Variants in CCDC57 observed in about 807,000 individuals in gnomAD.
The protein encoded by CCDC57 is coiled-coil domain containing 57.
CCDC57 carries 118 observed loss-of-function variants against 118.9 expected under a neutral mutation model. The ratio of observed to expected loss-of-function variants is 0.99; its 90% confidence interval spans 0.86 to 1.16. CCDC57 has a LOEUF of 1.16. CCDC57 is among the 50% of genes most tolerant of loss of function. The pLI is 0.00. For missense variants in CCDC57, 1,300 were observed against 1,320.7 expected, an observed-to-expected ratio of 0.98 and a Z score of 0.24; for synonymous variants, 527 against 532.9, an observed-to-expected ratio of 0.99 and a Z score of 0.15.
rs753463215 is a variant in CCDC57, at chr17:82,201,523, C to T, written c.407+15G>A. 23 of 1,578,740 alleles carry T rather than the reference C, an allele frequency of 1.5e-5. No homozygotes were observed. Among genetic ancestry groups the T allele is most frequent in the Admixed American group, 3.5e-5 (2 of 56,808 alleles). On this transcript the variant is annotated intron_variant, in intron 3 of 19. Transcript: ENST00000665763. ...CCAGGCACTGCACAGGAGGGCGCGT[C>T]GGTCGGTGGCTCACCTGTGGACGCG...
intron 2 of CCDC57, among the ~76,000 whole-genome samples, chr17:82,206,597 C>T (rs941483442): frequency 6.6e-6 from 1 of 152,172 alleles, no homozygotes; most frequent in South Asian, 2.1e-4. Flanking sequence ...TCCCCCATAT[C>T]TCCCCTTACG....
At chr17:82,126,206 G>A (rs1009271794) in intron 19 of CCDC57, 3 of 224,268 alleles carry the variant, frequency 1.3e-5, no homozygotes, top group African/African-American at 7.0e-5. Flanking sequence ...TTTGAACCCG[G>A]GAGGAGGAGC....
chr17:82,115,678 G>C (rs1192032575), intron 19 of CCDC57, among the ~76,000 whole-genome samples: 1 of 151,916 alleles, frequency 6.6e-6, no homozygotes, highest in Non-Finnish European at 1.5e-5. Context: ...AGGAGGATGA[G>C]GCAGGAGAAT....
chr17:82,116,886 C>T (rs1424503256), intron 19 of CCDC57, among the ~76,000 whole-genome samples: 1 of 152,240 alleles, frequency 6.6e-6, no homozygotes, highest in Non-Finnish European at 1.5e-5. Flanking sequence ...GGGCCCTCTC[C>T]GGAAAGCTCC....
At chr17:82,160,324 GAA>G (rs2043160581) in intron 14 of CCDC57, 2 of 152,298 alleles carry the variant, frequency 1.3e-5, no homozygotes, top group Non-Finnish European at 2.9e-5. Flanking sequence ...TCAGGAAAGT[GAA>G]AAGACAGGCC....
intron 14 of CCDC57, 78 bp downstream of exon 13, chr17:82,163,122 G>A (rs1345758728): frequency 4.5e-6 from 7 of 1,548,836 alleles, no homozygotes; most frequent in Non-Finnish European, 5.3e-6. Flanking sequence ...GTCGCACCGG[G>A]CAGCCGCTCA....
At chr17:82,165,586 G>A (rs1234355055) in intron 13 of CCDC57, among the ~76,000 whole-genome samples, 1 of 152,098 alleles carries the variant, frequency 6.6e-6, no homozygotes, top group Non-Finnish European at 1.5e-5. Flanking sequence ...CTGCCCTCCT[G>A]CCAGCCCATG....
At chr17:82,155,759 C>A (rs1450461555) in intron 15 of CCDC57, 1 of 152,308 alleles carries the variant, frequency 6.6e-6, no homozygotes, top group Non-Finnish European at 1.5e-5. Flanking sequence ...CCTGGGCCCG[C>A]CCTCGTCTCC....
At chr17:82,186,667 G>A (rs542031494) in intron 8 of CCDC57, among the ~76,000 whole-genome samples, 5 of 152,086 alleles carry the variant, frequency 3.3e-5, no homozygotes, top group South Asian at 2.1e-4. Context: ...ATTCTCTATC[G>A]GTGGTGGCTC....
intron 7 of CCDC57, among the ~76,000 whole-genome samples, chr17:82,189,430 C>T (rs919663335): frequency 1.3e-5 from 2 of 152,002 alleles, no homozygotes; most frequent in African/African-American, 4.8e-5. Flanking sequence ...TGATCTAACC[C>T]TACTGGGACT....
At chr17:82,126,433 T>A (rs971939772) in intron 19 of CCDC57, 1 of 982,528 alleles carries the variant, frequency 1.0e-6, no homozygotes, top group African/African-American at 1.7e-5. Flanking sequence ...CGAAAAGGCC[T>A]AATTTCTATC....
intron 11 of CCDC57, among the ~76,000 whole-genome samples, chr17:82,177,180 A>G (rs1158876120): frequency 6.6e-6 from 1 of 151,942 alleles, no homozygotes; most frequent in African/African-American, 2.4e-5. Flanking sequence ...GGAGTTCGAG[A>G]TCAGCCTAAC....
exon 8 of CCDC57, chr17:82,188,386 C>T (rs1409746758): frequency 6.2e-7 from 1 of 1,611,898 alleles, no homozygotes; most frequent in Non-Finnish European, 8.5e-7. Flanking sequence ...GCACTGCATC[C>T]TTCTCCCTGG....
chr17:82,200,522 G>A lies in CCDC57; in HGVS notation c.407+1016C>T, dbSNP rs767140002. 8.5e-5 allele frequency among the ~76,000 whole-genome samples: 13 copies of A among 152,250 alleles called. No individual in the cohort carries two copies. In the Middle Eastern group the frequency reaches 0.01, roughly 120 times the overall value. Reference sequence around the variant, plus strand: ...CTTATGGCCAGGCGCGGTAGCTCACGTCTATAATCCCAGCACTTCAGGAAG... The same window carrying A: ...CTTATGGCCAGGCGCGGTAGCTCACATCTATAATCCCAGCACTTCAGGAAG... On this transcript the variant is annotated intron_variant, in intron 3 of 19. Coordinates refer to ENST00000665763, the Ensembl canonical transcript of CCDC57.
At chr17:82,109,488 T>C (rs772817644) in intron 19 of CCDC57, among the ~76,000 whole-genome samples, 4 of 152,218 alleles carry the variant, frequency 2.6e-5, no homozygotes, top group Non-Finnish European at 5.9e-5. Context: ...TAAGTTCCAG[T>C]AGACAATAGT....
intron 16 of CCDC57, among the ~76,000 whole-genome samples, chr17:82,143,072 G>A (rs977495040): frequency 7.2e-5 from 11 of 151,846 alleles, no homozygotes; most frequent in African/African-American, 2.7e-4. Context: ...CGAGGCAGGA[G>A]AATTGCTTGA....
chr17:82,116,978 A>ATTT (rs2036001039), intron 19 of CCDC57, among the ~76,000 whole-genome samples: 1 of 152,232 alleles, frequency 6.6e-6, no homozygotes, highest in Non-Finnish European at 1.5e-5. Flanking sequence ...TCCCCTTTGA[A>ATTT]AAGGACAAAA....
At chr17:82,199,959 G>T (rs551536223) in intron 3 of CCDC57, among the ~76,000 whole-genome samples, 11 of 152,324 alleles carry the variant, frequency 7.2e-5, no homozygotes, top group African/African-American at 2.4e-4. Flanking sequence ...AACACTGTGG[G>T]CTTCCCAGAA....
chr17:82,131,496 T>C (rs2038357192), intron 17 of CCDC57, among the ~76,000 whole-genome samples: 1 of 151,304 alleles, frequency 6.6e-6, no homozygotes, highest in Admixed American at 6.6e-5. Flanking sequence ...AATCCCAGCA[T>C]TTGGGAGGCA....
Sources: gnomAD v4.1 joint callset for allele counts (sites outside exome capture counted in the v4.1 genomes callset) on GRCh38, gnomAD v4.1.1 for gene constraint, MANE v1.5 for transcripts, NCBI Gene and HGNC (gene_info 2026-07-23, HGNC 2026-07-21) for gene names.